Variants in RUSF1 observed in about 807,000 individuals in gnomAD.
The protein encoded by RUSF1 is RUS1 family protein C16orf58.
In RUSF1, 58 loss-of-function variants were observed where a neutral mutation model predicts 63.0. The observed-to-expected ratio is 0.92, with a 90% confidence interval of 0.75 to 1.15. The LOEUF (loss-of-function observed/expected upper bound fraction) is 1.15. Among genes scored for constraint, RUSF1 ranks in the 50% most tolerant of loss-of-function variants. The probability of loss-of-function intolerance (pLI) is 0.00; values close to 1 mark genes in which losing one functional copy is unlikely to be tolerated. For missense variants in RUSF1, 652 were observed against 611.0 expected (o/e 1.07, Z -0.71); for synonymous variants, 274 against 255.8 (o/e 1.07, Z -0.68).
At position 31,489,540 on chromosome 16, in the gene RUSF1, A is replaced by G. The variant is rs959979097; in HGVS notation, c.*1295T>C. The stretch of plus-strand genomic sequence containing the variant: ...CCGGCCTGGGGGAGGCTTGATGTTG[A>G]TGGGTTGGTGATTAAAGCCTCCCAA... On this transcript the variant is annotated 3_prime_UTR_variant, in exon 13 of 13. Transcript: ENST00000327237. The G allele has an allele frequency of 1.6e-6, 1 of 623,494 alleles. No individual in the cohort carries two copies. The highest frequency in any genetic ancestry group is 1.8e-5 in the African/African-American group (1 of 54,704). The allele number at this position is 623,494 out of a possible 1,614,324, so 38.6% of individuals were successfully genotyped here.
At position 31,489,747 on chromosome 16, in the gene RUSF1, G is replaced by A; in HGVS notation, c.*1088C>T. The stretch of plus-strand genomic sequence containing the variant: ...CAAGAGATCTGGGTGTGGAAGGATG[G>A]CCGGGTTTCTGCAGCAGCAGGAGGA... On this transcript the variant is annotated 3_prime_UTR_variant, in exon 13 of 13. Coordinates refer to ENST00000327237, the MANE Select transcript of RUSF1 (RefSeq NM_022744.4). The A allele has an allele frequency of 2.3e-6, 1 of 443,914 alleles. No individual in the cohort carries two copies. Among genetic ancestry groups the A allele is most frequent in the Non-Finnish European group, 4.2e-6 (1 of 238,202 alleles). 27.5% of individuals were successfully genotyped at this position (443,914 alleles called of 1,614,324 possible).
At chr16:31,497,292 G>C in intron 5 of RUSF1, among the ~76,000 whole-genome samples, 1 of 151,896 alleles carries the variant, frequency 6.6e-6, no homozygotes. Context: ...CTGGTTTCCA[G>C]CTTCATGCTT....
At position 31,490,661 on chromosome 16, in the gene RUSF1, C is replaced by A; in HGVS notation, c.*174G>T. The A allele has an allele frequency of 9.1e-7, 1 of 1,096,328 alleles. No homozygotes were observed. Among genetic ancestry groups the A allele is most frequent in the South Asian group, 1.3e-5 (1 of 75,776 alleles). The allele number at this position is 1,096,328 out of a possible 1,614,324, so 67.9% of individuals were successfully genotyped here. A position where few individuals can be genotyped will look rare whatever the true frequency, so the allele number is the denominator to read the frequency against. Reference sequence around the variant, plus strand: ...AGGTCCTGGCTCCCCTTCTCCCGGCCTTCCTCTGCCTGGGGCCCACTGCAT... The same window carrying A: ...AGGTCCTGGCTCCCCTTCTCCCGGCATTCCTCTGCCTGGGGCCCACTGCAT... On this transcript the variant is annotated 3_prime_UTR_variant, in exon 13 of 13. Coordinates refer to ENST00000327237, the MANE Select transcript of RUSF1 (RefSeq NM_022744.4).
rs1229248283 is a variant in RUSF1 at position 31,490,291 on chromosome 16, G to A, written c.*544C>T. 2.5e-6 allele frequency: 4 copies of A among 1,613,308 alleles called. No individual in the cohort carries two copies. The highest frequency in any genetic ancestry group is 1.3e-5 in the African/African-American group (1 of 74,902). On this transcript the variant is annotated 3_prime_UTR_variant, in exon 13 of 13. Coordinates refer to ENST00000327237, the MANE Select transcript of RUSF1 (RefSeq NM_022744.4). ...CTGAGTTCCCGCAAACTAACTGCAG[G>A]GCCTCAATTTCCCTCAGAGCCCCAG...
At position 31,489,957 on chromosome 16, in the gene RUSF1, G is replaced by C. The variant is rs531524294; in HGVS notation, c.*878C>G. On this transcript the variant is annotated 3_prime_UTR_variant, in exon 13 of 13. Transcript: ENST00000327237. The stretch of plus-strand genomic sequence containing the variant: ...GGGCACAGGGCAGCCATGTAGGGTG[G>C]AGTTGGCATGAGTTAAGCCTGGGCT... The C allele has an allele frequency of 2.0e-6, 2 of 1,008,868 alleles. No individual in the cohort carries two copies. The highest frequency in any genetic ancestry group is 1.6e-5 in the African/African-American group (1 of 62,928). 62.5% of individuals were successfully genotyped at this position (1,008,868 alleles called of 1,614,324 possible).
rs773927232 is a variant in RUSF1 at position 31,492,096 on chromosome 16, G to A, written c.1232-10C>T. 8.7e-6 allele frequency: 14 copies of A among 1,614,146 alleles called. No homozygotes were observed. Among genetic ancestry groups the A allele is most frequent in the East Asian group, 2.2e-5 (1 of 44,878 alleles). ...CTCTCTTTCTTAGGACCTGGGTACG[G>A]GGGTGCAGAACCAGAAGCTCTGTGT... On this transcript the variant is annotated splice_polypyrimidine_tract_variant and intron_variant, in intron 11 of 12. Transcript: ENST00000327237.
chr16:31,490,885 C>A lies in RUSF1; in HGVS notation c.1357G>T (p.Asp453Tyr). ...WKTEKHQLEVDEWRATWLLSP... is the reference protein window; with the variant it reads ...WKTEKHQLEVYEWRATWLLSP... Reference sequence around the variant, plus strand: ...AGAAGCCATGTGGCCCTCCACTCATCCACCTCTAGCTGGTGCTTCTCGGTC... The same window carrying A: ...AGAAGCCATGTGGCCCTCCACTCATACACCTCTAGCTGGTGCTTCTCGGTC... Residue 453 changes from aspartate to tyrosine, a missense_variant, in exon 13 of 13, where the codon GAT (aspartate) becomes TAT (tyrosine). Transcript: ENST00000327237. 1.2e-6 allele frequency: 2 copies of A among 1,614,204 alleles called. No homozygotes were observed. Among genetic ancestry groups the A allele is most frequent in the Non-Finnish European group, 1.7e-6 (2 of 1,180,056 alleles).
chr16:31,499,340 A>T lies in RUSF1; in HGVS notation c.562T>A (p.Cys188Ser), dbSNP rs761256773. 20 of 1,613,970 alleles carry T rather than the reference A, an allele frequency of 1.2e-5. No individual in the cohort carries two copies. The South Asian group carries it at 2.2e-4, about 18-fold the overall frequency. The change falls in exon 5 of 13, where the codon TGT becomes AGT. Residue 188 changes from cysteine (C) to serine (S), a missense_variant. Transcript: ENST00000327237. ...CTGGTGGAGACGGTCATGGTGAAAC[A>T]GATTGGGTATACAGGAGCCATAATC... ...LEIMAPVYPI[C>S]FTMTVSTSNL...
At position 31,490,568 on chromosome 16, in the gene RUSF1, C is replaced by G. The variant is rs199886583; in HGVS notation, c.*267G>C. The stretch of plus-strand genomic sequence containing the variant: ...TGCGTTGGACACCATAAGCCACAGC[C>G]TCACAGGAAGTGGGGGTGAGGAGCC... On this transcript the variant is annotated 3_prime_UTR_variant, in exon 13 of 13. Transcript: ENST00000327237. 3.9e-4 allele frequency: 602 copies of G among 1,554,706 alleles called. 4 individuals are homozygous for G. The African/African-American group carries it at 6.8e-3, about 18-fold the overall frequency.
At chr16:31,491,004 G>A in intron 12 of RUSF1, 72 bp from the exon 13 acceptor site, 2 of 1,461,842 alleles carry the variant, frequency 1.4e-6, no homozygotes, top group Non-Finnish European at 1.9e-6. Flanking sequence ...GCTGGGTGCA[G>A]GCTTTGTGCA....
At chr16:31,497,413 C>T (rs1046840628) in intron 5 of RUSF1, among the ~76,000 whole-genome samples, 2 of 152,124 alleles carry the variant, frequency 1.3e-5, no homozygotes, top group South Asian at 2.1e-4. Flanking sequence ...CCTCTGAGAT[C>T]GCAGGATAAA....
intron 3 of RUSF1, 134 bp downstream of exon 3, chr16:31,500,552 C>T: frequency 8.6e-7 from 1 of 1,159,438 alleles, no homozygotes; most frequent in South Asian, 1.7e-5. Flanking sequence ...TGTACGATGC[C>T]ACGGGCATTA....
intron 2 of RUSF1, among the ~76,000 whole-genome samples, chr16:31,503,933 A>G (rs575672420): frequency 6.6e-6 from 1 of 152,354 alleles, no homozygotes; most frequent in South Asian, 2.1e-4. Flanking sequence ...AAGTGCTGGG[A>G]TCATAGGCGT....
rs773748999 is a variant in RUSF1 at position 31,508,359 on chromosome 16, C to T, written c.15G>A (p.Ala5=). The part of the protein sequence containing the change: MADD[A]GLETPLCSEQ... The stretch of plus-strand genomic sequence containing the variant: ...CGGAACACAGCGGGGTCTCCAAACC[C>T]GCGTCGTCAGCCATGCCGAGCTTTT... Residue 5 remains alanine (A), a synonymous_variant, in exon 1 of 13, where the codon GCG becomes GCA. Coordinates refer to ENST00000327237, the MANE Select transcript of RUSF1 (RefSeq NM_022744.4). The T allele has an allele frequency of 9.9e-6, 15 of 1,520,496 alleles. No individual in the cohort carries two copies. Among genetic ancestry groups the T allele is most frequent in the Non-Finnish European group, 1.1e-5 (13 of 1,147,122 alleles). 94.2% of individuals were successfully genotyped at this position (1,520,496 alleles called of 1,614,324 possible). A position where few individuals can be genotyped will look rare whatever the true frequency, so the allele number is the denominator to read the frequency against.
chr16:31,507,817 A>AC lies in RUSF1; in HGVS notation c.361dup (p.Val121GlyfsTer53). On this transcript the variant is annotated frameshift_variant, in exon 2 of 13. Transcript: ENST00000327237. LOFTEE classifies it high-confidence loss of function. Reference sequence around the variant, plus strand: ...TGAAACAGTGGCTTTTGCGTTCCCCACCCCTATGCCCAGCAAGACTGCCTG... The same window carrying AC: ...TGAAACAGTGGCTTTTGCGTTCCCCACCCCCTATGCCCAGCAAGACTGCCTG... 6.3e-7 allele frequency: 1 copy of AC among 1,578,410 alleles called. No homozygotes were observed. The highest frequency in any genetic ancestry group is 1.2e-5 in the South Asian group (1 of 85,966).
Position 31,493,035 on chromosome 16 carries a change from G to A in RUSF1, c.1030C>T (p.Gln344Ter), listed in dbSNP as rs1473933646. Residue 344 changes from glutamine (Q) to a stop codon, truncating the protein, a stop_gained, in exon 10 of 13, where the codon CAG becomes TAG. Coordinates refer to ENST00000327237, the MANE Select transcript of RUSF1 (RefSeq NM_022744.4). LOFTEE classifies it high-confidence loss of function. ...TCTTGGTGCCCCTCAACCAGCTGCTGCAGCTCAAAGACACTGTGGGGGAGA... is the reference window on the plus strand; with the variant it reads ...TCTTGGTGCCCCTCAACCAGCTGCTACAGCTCAAAGACACTGTGGGGGAGA... The part of the protein sequence containing the change: ...HRLVSSVFEL[Q>*]QLVEGHQESY... The A allele has an allele frequency of 6.2e-7, 1 of 1,613,988 alleles. No individual in the cohort carries two copies. The highest frequency in any genetic ancestry group is 1.1e-5 in the South Asian group (1 of 91,068).
At chr16:31,498,538 G>A (rs1157127784) in intron 5 of RUSF1, among the ~76,000 whole-genome samples, 1 of 152,160 alleles carries the variant, frequency 6.6e-6, no homozygotes, top group East Asian at 1.9e-4. Flanking sequence ...TTTCTCCTCT[G>A]GGCCAGGGAC....
Position 31,490,333 on chromosome 16 carries a change from TC to T in RUSF1, c.*501del, listed in dbSNP as rs1414929141. On this transcript the variant is annotated 3_prime_UTR_variant, in exon 13 of 13. Coordinates refer to ENST00000327237, the MANE Select transcript of RUSF1 (RefSeq NM_022744.4). ...GAGCCCCAGGCCCCGGCACCAAGCCTCTTCCGCCAGTGCCTGCTCTGGTTTT... is the reference window on the plus strand; with the variant it reads ...GAGCCCCAGGCCCCGGCACCAAGCCTTTCCGCCAGTGCCTGCTCTGGTTTT... 6.2e-7 allele frequency: 1 copy of T among 1,612,616 alleles called. No homozygotes were observed. The highest frequency in any genetic ancestry group is 1.7e-5 in the Admixed American group (1 of 59,752).
rs2082590890 is a variant in RUSF1 at position 31,494,299 on chromosome 16, T to TAG, written c.703-364_703-363insCT. On this transcript the variant is annotated intron_variant, in intron 6 of 12. Coordinates refer to ENST00000327237, the MANE Select transcript of RUSF1 (RefSeq NM_022744.4). ...AATCTGGGAGGCCGAGGTGGGCAGA[T>TAG]TCCCTGAGCTCAGGAGTTCAAGACC... 5.3e-5 allele frequency among the ~76,000 whole-genome samples: 8 copies of TAG among 152,182 alleles called. No individual in the cohort carries two copies. The South Asian group carries it at 1.7e-3, about 32-fold the overall frequency.
Sources: allele counts gnomAD v4.1 joint callset (sites outside exome capture counted in the v4.1 genomes callset), GRCh38; gene constraint gnomAD v4.1.1; transcripts MANE v1.5; gene names NCBI Gene and HGNC (gene_info 2026-07-23, HGNC 2026-07-21).